Variants in MAST2 observed in about 807,000 individuals in gnomAD.
MAST2 encodes microtubule associated serine/threonine kinase 2.
A neutral mutation model predicts 147.4 loss-of-function variants in MAST2; 70 were observed. The observed-to-expected ratio is 0.47, with a 90% CI of 0.39 to 0.58. MAST2 has a LOEUF of 0.58. Ranked by LOEUF, MAST2 falls within the 20% of genes least tolerant of loss-of-function variation. The pLI is 0.00. For synonymous variants in MAST2, 869 were observed against 896.8 expected (o/e 0.97, Z 0.55); for missense variants, 2,080 against 2,302.3 (o/e 0.90, Z 1.98).
chr1:45,820,421 A>G (rs951946234), intron 1 of MAST2, among the ~76,000 whole-genome samples: 28 of 152,170 alleles, frequency 1.8e-4, no homozygotes, highest in African/African-American at 5.1e-4. Flanking sequence ...TATGGGGATT[A>G]CATGTAACAT....
intron 6 of MAST2, among the ~76,000 whole-genome samples, chr1:46,002,212 T>G (rs932882809): frequency 1.3e-5 from 2 of 152,040 alleles, no homozygotes; most frequent in South Asian, 4.2e-4. Flanking sequence ...CAGCTAAGGG[T>G]ATGTCACCTC....
At chr1:45,837,025 C>T (rs919560865) in intron 3 of MAST2, among the ~76,000 whole-genome samples, 1 of 152,170 alleles carries the variant, frequency 6.6e-6, no homozygotes, top group African/African-American at 2.4e-5. Flanking sequence ...GTTCATGCCC[C>T]TACGAGAATC....
chr1:45,927,630 G>A (rs185146647), intron 4 of MAST2, among the ~76,000 whole-genome samples: 1 of 152,138 alleles, frequency 6.6e-6, no homozygotes, highest in African/African-American at 2.4e-5. Context: ...CTGTTATCCT[G>A]TTCTTTTTTC....
At chr1:45,825,001 A>G (rs1008744267) in intron 2 of MAST2, among the ~76,000 whole-genome samples, 1 of 152,230 alleles carries the variant, frequency 6.6e-6, no homozygotes, top group African/African-American at 2.4e-5. Flanking sequence ...GGAAGCAATT[A>G]CATTGTACAT....
At chr1:45,932,974 A>G (rs1276252750) in intron 4 of MAST2, among the ~76,000 whole-genome samples, 1 of 150,962 alleles carries the variant, frequency 6.6e-6, no homozygotes. Flanking sequence ...AAAAGCCAAA[A>G]TATGAATCAG....
intron 6 of MAST2, chr1:46,000,920 C>G (rs773506843): frequency 7.8e-7 from 1 of 1,278,464 alleles, no homozygotes; most frequent in South Asian, 1.2e-5. Flanking sequence ...CTCTCTGGTT[C>G]CTTTGGTTCT....
chr1:46,030,871 CATT>C, intron 22 of MAST2, 110 bp downstream of exon 22: 1 of 1,465,742 alleles, frequency 6.8e-7, no homozygotes. Context: ...AGGGAGGGGG[CATT>C]CACAAGGGTG....
At chr1:45,883,321 T>C (rs1437115823) in intron 4 of MAST2, among the ~76,000 whole-genome samples, 3 of 152,250 alleles carry the variant, frequency 2.0e-5, no homozygotes, top group Admixed American at 1.3e-4. Context: ...TTTCTGTTAC[T>C]GTCCATTTTA....
chr1:45,969,234 G>A (rs1643791505), intron 5 of MAST2, among the ~76,000 whole-genome samples: 2 of 152,030 alleles, frequency 1.3e-5, no homozygotes, highest in South Asian at 2.1e-4. Flanking sequence ...GCTTTTTAGT[G>A]AGCTTTGTAA....
At chr1:45,919,791 G>GGTTTTT (rs1557906541) in intron 4 of MAST2, among the ~76,000 whole-genome samples, 2 of 140,632 alleles carry the variant, frequency 1.4e-5, no homozygotes, top group African/African-American at 2.6e-5. Context: ...TAAATTTCAT[G>GGTTTTT]TTTTTTTTTT....
chr1:45,997,770 T>C lies in MAST2; in HGVS notation c.639T>C (p.Pro213=), dbSNP rs1241740696. 3.1e-6 allele frequency: 5 copies of C among 1,614,080 alleles called. No individual in the cohort carries two copies. The East Asian group carries it at 1.1e-4, about 36-fold the overall frequency. ...CCCGGAATTTCTCTCCAAATGCACC[T>C]GCTCACTTTTCTTTTGTTCCTGCCC... is the stretch of plus-strand genomic sequence containing the variant. The part of the protein sequence containing the change: ...DSPRNFSPNA[P]AHFSFVPARR... The change falls in exon 6 of 29, where the codon CCT becomes CCC. Residue 213 remains proline (P), a synonymous_variant. Transcript: ENST00000361297.
At chr1:45,886,394 T>C (rs1647091432) in intron 4 of MAST2, among the ~76,000 whole-genome samples, 1 of 151,656 alleles carries the variant, frequency 6.6e-6, no homozygotes, top group Non-Finnish European at 1.5e-5. Flanking sequence ...TGTTACATTC[T>C]AATACGCAAA....
rs113944639 is a variant in MAST2, at chr1:45,977,974, G to A, written c.592+18497G>A. Among the ~76,000 whole-genome samples the A allele has an allele frequency of 1.8e-3, 269 of 152,182 alleles. 1 individual carries two copies. Among genetic ancestry groups the A allele is most frequent in the Middle Eastern group, 6.8e-3 (2 of 294 alleles). On this transcript the variant is annotated intron_variant, in intron 5 of 28. Coordinates refer to ENST00000361297, the MANE Select transcript of MAST2 (RefSeq NM_015112.3). ...GTGGCTCCTATAATCCTAGCACTGC[G>A]GGAGCCTTAGGTGGGCGGATCACTT...
intron 4 of MAST2, among the ~76,000 whole-genome samples, chr1:45,937,821 G>GT (rs1000909309): frequency 2.0e-5 from 3 of 149,272 alleles, no homozygotes; most frequent in East Asian, 2.0e-4. Context: ...CGATTCAATG[G>GT]TTTTTTACTA....
intron 3 of MAST2, among the ~76,000 whole-genome samples, chr1:45,871,004 AT>A (rs1407692875): frequency 6.6e-6 from 1 of 150,868 alleles, no homozygotes; most frequent in Non-Finnish European, 1.5e-5. Flanking sequence ...GAAACCAACT[AT>A]CCCTTTATTT....
At chr1:46,006,136 G>C in intron 7 of MAST2, 105 bp from the exon 8 acceptor site, 1 of 1,173,482 alleles carries the variant, frequency 8.5e-7, no homozygotes. Flanking sequence ...CCTGCTTTGG[G>C]TTTATAGTGA....
chr1:46,015,595 G>A (rs998624373), intron 10 of MAST2, among the ~76,000 whole-genome samples: 6 of 152,140 alleles, frequency 3.9e-5, no homozygotes, highest in Admixed American at 3.3e-4. Flanking sequence ...TAAATTCCTC[G>A]ACACATACAC....
chr1:45,815,602 A>T (rs1261887091), intron 1 of MAST2, among the ~76,000 whole-genome samples: 1 of 152,172 alleles, frequency 6.6e-6, no homozygotes, highest in Non-Finnish European at 1.5e-5. Context: ...TGTTTAAATG[A>T]CCCAGGAACA....
rs377110475 is a variant in MAST2 at position 46,034,661 on chromosome 1, G to T, written c.3992G>T (p.Arg1331Leu). Residue 1331 changes from arginine (R) to leucine (L), a missense_variant, in exon 29 of 29, where the codon CGC becomes CTC. Physicochemically the swap from Arg to Leu is moderately radical, Grantham distance 102 (BLOSUM62 -2). Transcript: ENST00000361297. ...GCACCCAAGCTCCAACGCCAGTACC[G>T]CTCTCCACGGCGCAAGTCAGCAGGC... ...GLAPKLQRQY[R>L]SPRRKSAGSI... is the part of the protein sequence containing the mutation. The T allele has an allele frequency of 1.5e-5, 24 of 1,613,960 alleles. No individual in the cohort carries two copies. The highest frequency in any genetic ancestry group is 1.9e-5 in the Non-Finnish European group (23 of 1,180,016).
Sources: gnomAD v4.1 joint callset for allele counts (sites outside exome capture counted in the v4.1 genomes callset) on GRCh38, gnomAD v4.1.1 for gene constraint, MANE v1.5 for transcripts, NCBI Gene and HGNC (gene_info 2026-07-23, HGNC 2026-07-21) for gene names.